Variants in CCDC171 observed in about 807,000 individuals in gnomAD.
CCDC171 encodes the protein coiled-coil domain containing 171, also known as coiled-coil domain-containing protein 171.
Under a neutral mutation model 168.2 loss-of-function variants are expected in CCDC171, and 177 were observed. That is an observed-to-expected ratio of 1.05 (90% CI 0.93 to 1.19). CCDC171 has a LOEUF of 1.19. Among genes scored for constraint, CCDC171 ranks in the 50% most tolerant of loss-of-function variants. CCDC171 has a pLI of 0.00. For synonymous variants in CCDC171, 687 were observed against 540.8 expected (o/e 1.27, Z -3.75); for missense variants, 1,991 against 1,539.0 (o/e 1.29, Z -4.91).
Position 16,028,788 on chromosome 9 carries a change from C to T in CCDC171, n.998+5880C>T, listed in dbSNP as rs1833319439. ...CCCGTGGGCTGCTCTCAGTCAGTGA[C>T]TTGGCATGGCAGGGATGCTAGGCAT... On this transcript the variant is annotated intron_variant and non_coding_transcript_variant, in intron 6 of 9. Coordinates refer to the CCDC171 transcript ENST00000486641. Among the ~76,000 whole-genome samples, 3 of 152,176 alleles carry T rather than the reference C, an allele frequency of 2.0e-5. No individual in the cohort carries two copies. In the South Asian group the frequency reaches 6.2e-4, roughly 31 times the overall value.
chr9:16,011,225 G>A (rs2132986049), intron 3 of CCDC171, among the ~76,000 whole-genome samples: 1 of 152,256 alleles, frequency 6.6e-6, no homozygotes, highest in South Asian at 2.1e-4. Context: ...AAAATGCTGG[G>A]TTGGAAAGAC....
chr9:15,726,745 TA>T (rs2053831007), intron 14 of CCDC171, among the ~76,000 whole-genome samples: 1 of 152,126 alleles, frequency 6.6e-6, no homozygotes, highest in African/African-American at 2.4e-5. Flanking sequence ...TTCAGTTTTT[TA>T]AAAATCTATA....
At chr9:15,805,190 C>G (rs1172367123) in intron 21 of CCDC171, among the ~76,000 whole-genome samples, 1 of 152,000 alleles carries the variant, frequency 6.6e-6, no homozygotes, top group Non-Finnish European at 1.5e-5. Flanking sequence ...TTTCAAAAAG[C>G]CAACTCCTGG....
In CCDC171 at chr9:15,839,382, G is replaced by A. The variant is rs115021226; in HGVS notation, c.3268-7320G>A. ...TAGATTTTATGGAAAATCTGAAGAC[G>A]TTGTTACTAATACTACTGTAGTACA... On this transcript the variant is annotated intron_variant, in intron 21 of 25. Coordinates refer to ENST00000380701, the MANE Select transcript of CCDC171 (RefSeq NM_173550.4). 8.0e-3 allele frequency among the ~76,000 whole-genome samples: 1,218 copies of A among 152,204 alleles called. 12 individuals are homozygous for A. The highest frequency in any genetic ancestry group is 0.028 in the African/African-American group (1,149 of 41,548).
chr9:15,562,499 G>A (rs1030604704), intron 1 of CCDC171, among the ~76,000 whole-genome samples: 1 of 152,134 alleles, frequency 6.6e-6, no homozygotes, highest in African/African-American at 2.4e-5. Flanking sequence ...ATTTGAAGAT[G>A]TTAGGTGCCA....
chr9:15,894,378 C>T (rs953123015), intron 24 of CCDC171, among the ~76,000 whole-genome samples: 2 of 152,012 alleles, frequency 1.3e-5, no homozygotes, highest in African/African-American at 4.8e-5. Context: ...CCATGGCACA[C>T]GTTTACCTGT....
At chr9:16,047,224 T>C (rs1482602402) in intron 1 of CCDC171, among the ~76,000 whole-genome samples, 1 of 152,192 alleles carries the variant, frequency 6.6e-6, no homozygotes, top group Non-Finnish European at 1.5e-5. Context: ...GAACTCAACA[T>C]GTCCCAAACA....
intron 6 of CCDC171, among the ~76,000 whole-genome samples, chr9:15,603,211 C>G (rs1463249017): frequency 6.6e-6 from 1 of 151,984 alleles, no homozygotes; most frequent in Non-Finnish European, 1.5e-5. Context: ...GTTTCGATCT[C>G]CTGACCTTGT....
intron 21 of CCDC171, among the ~76,000 whole-genome samples, chr9:15,809,020 A>G (rs982851737): frequency 6.6e-6 from 1 of 152,014 alleles, no homozygotes; most frequent in African/African-American, 2.4e-5. Context: ...GGCCTTATTT[A>G]TATAAGGGCA....
At chr9:16,100,447 C>G in the CCDC171 span, among the ~76,000 whole-genome samples, 7 of 152,096 alleles carry the variant, frequency 4.6e-5, no homozygotes, top group African/African-American at 1.7e-4. Flanking sequence ...AGGTATTTTG[C>G]CTGAGAAAGG....
chr9:15,976,486 T>A (rs1179373421), downstream of CCDC171, among the ~76,000 whole-genome samples: 3 of 152,086 alleles, frequency 2.0e-5, no homozygotes, highest in Non-Finnish European at 4.4e-5. Context: ...TTTTAATTCC[T>A]ACAGTTTTAA....
intron 21 of CCDC171, among the ~76,000 whole-genome samples, chr9:15,822,074 A>C (rs200259154): frequency 6.6e-5 from 10 of 152,296 alleles, no homozygotes; most frequent in East Asian, 3.9e-4. Context: ...GAAAAACAAG[A>C]AATGTGGAAA....
At chr9:15,875,839 T>G (rs2131258985) in intron 24 of CCDC171, 1 of 152,160 alleles carries the variant, frequency 6.6e-6, no homozygotes, top group East Asian at 1.9e-4. Context: ...ATTATAAAAG[T>G]AAGCATAAAA....
chr9:15,924,028 T>C (rs572841294), intron 25 of CCDC171, among the ~76,000 whole-genome samples: 13 of 151,574 alleles, frequency 8.6e-5, no homozygotes, highest in South Asian at 2.1e-4. Flanking sequence ...TATATAGATA[T>C]AGGTATATAG....
At chr9:16,103,990 G>A in the CCDC171 span, among the ~76,000 whole-genome samples, 3 of 152,202 alleles carry the variant, frequency 2.0e-5, no homozygotes, top group Non-Finnish European at 1.5e-5. Flanking sequence ...GATGCCGGCT[G>A]GTGGGTCTCC....
intron 3 of CCDC171, among the ~76,000 whole-genome samples, chr9:16,011,277 G>T (rs1832861262): frequency 6.6e-6 from 1 of 152,106 alleles, no homozygotes; most frequent in Non-Finnish European, 1.5e-5. Context: ...GACTTCCTTT[G>T]TTCCTGAGAG....
downstream of CCDC171, among the ~76,000 whole-genome samples, chr9:16,063,615 T>A (rs1026121441): frequency 6.6e-6 from 1 of 152,212 alleles, no homozygotes; most frequent in African/African-American, 2.4e-5. Flanking sequence ...CCAGGAGTGG[T>A]TTGAATATTC....
In CCDC171 at chr9:15,873,493, T is replaced by C. The variant is rs1398091613; in HGVS notation, c.3469-1039T>C. 1.1e-4 allele frequency among the ~76,000 whole-genome samples: 16 copies of C among 152,194 alleles called. No individual in the cohort carries two copies. In the East Asian group the frequency reaches 2.1e-3, roughly 20 times the overall value. Reference sequence around the variant, plus strand: ...AACTTTTTGTTCTGTGGCATTGAGCTAATTGTATAATATTTATTAAGTATA... The same window carrying C: ...AACTTTTTGTTCTGTGGCATTGAGCCAATTGTATAATATTTATTAAGTATA... On this transcript the variant is annotated intron_variant, in intron 23 of 25. Coordinates refer to ENST00000380701, the MANE Select transcript of CCDC171 (RefSeq NM_173550.4).
intron 23 of CCDC171, among the ~76,000 whole-genome samples, chr9:15,865,821 CAT>C (rs1477870522): frequency 6.7e-6 from 1 of 149,148 alleles, no homozygotes. Flanking sequence ...CCCTAACCCA[CAT>C]GTTGTTCAAA....
Sources: allele counts gnomAD v4.1 joint callset (sites outside exome capture counted in the v4.1 genomes callset), GRCh38; gene constraint gnomAD v4.1.1; transcripts MANE v1.5; gene names NCBI Gene and HGNC (gene_info 2026-07-23, HGNC 2026-07-21).